Variants in NLGN1 observed in about 807,000 individuals in gnomAD.
The protein encoded by NLGN1 is neuroligin 1.
NLGN1 carries 12 observed loss-of-function variants against 65.5 expected under a neutral mutation model. The ratio of observed to expected loss-of-function variants is 0.18; its 90% CI spans 0.12 to 0.30. The LOEUF is 0.30. Among genes scored for constraint, NLGN1 ranks in the 10% least tolerant of loss-of-function variants. The probability of loss-of-function intolerance (pLI) is 1.00; values close to 1 mark genes in which losing one functional copy is unlikely to be tolerated. For missense variants in NLGN1, 750 were observed against 1,007.1 expected (o/e 0.74, Z 3.46); for synonymous variants, 350 against 359.5 (o/e 0.97, Z 0.30).
At chr3:173,747,148 T>C (rs1775544356) in intron 3 of NLGN1, among the ~76,000 whole-genome samples, 1 of 149,104 alleles carries the variant, frequency 6.7e-6, no homozygotes, top group Non-Finnish European at 1.5e-5. Context: ...TATGTATATG[T>C]ATATATGTGT....
intron 4 of NLGN1, among the ~76,000 whole-genome samples, chr3:173,960,609 A>T (rs1713303558): frequency 6.6e-6 from 1 of 152,008 alleles, no homozygotes; most frequent in South Asian, 2.1e-4. Flanking sequence ...ATTTTAAAAA[A>T]TTTTGCATAA....
chr3:173,747,624 A>G (rs1168664971), intron 3 of NLGN1, among the ~76,000 whole-genome samples: 1 of 128,176 alleles, frequency 7.8e-6, no homozygotes, highest in East Asian at 2.0e-4. Context: ...CTTTTCACTT[A>G]GTGACACATA....
intron 4 of NLGN1, among the ~76,000 whole-genome samples, chr3:173,994,147 A>G (rs1248506781): frequency 2.6e-5 from 4 of 152,054 alleles, no homozygotes; most frequent in Non-Finnish European, 5.9e-5. Flanking sequence ...TCACTCTGTC[A>G]CCCAGGTTGG....
At chr3:174,029,967 C>T (rs1729623680) in intron 4 of NLGN1, among the ~76,000 whole-genome samples, 1 of 152,100 alleles carries the variant, frequency 6.6e-6, no homozygotes, top group Non-Finnish European at 1.5e-5. Context: ...CCAGTCTCAG[C>T]TATGTCTTTA....
intron 2 of NLGN1, among the ~76,000 whole-genome samples, chr3:173,437,970 C>CT (rs1158490070): frequency 1.9e-4 from 29 of 152,264 alleles, no homozygotes; most frequent in Admixed American, 8.5e-4. Context: ...AGCCCTTAGA[C>CT]TGAGTTTCCA....
chr3:174,078,256 C>G (rs762932261), intron 4 of NLGN1, among the ~76,000 whole-genome samples: 10 of 152,060 alleles, frequency 6.6e-5, no homozygotes, highest in Non-Finnish European at 1.3e-4. Flanking sequence ...TCAGATTCAT[C>G]CTTTTGGAGA....
intron 4 of NLGN1, among the ~76,000 whole-genome samples, chr3:173,818,094 A>G (rs1719410032): frequency 6.6e-6 from 1 of 152,212 alleles, no homozygotes; most frequent in African/African-American, 2.4e-5. Flanking sequence ...TAACTCATTC[A>G]TTCATTTATT....
intron 4 of NLGN1, among the ~76,000 whole-genome samples, chr3:174,054,852 G>T (rs768484276): frequency 2.0e-5 from 3 of 151,912 alleles, no homozygotes; most frequent in Non-Finnish European, 4.4e-5. Flanking sequence ...TGAATTAGTG[G>T]ATCACTCTCC....
At chr3:174,278,946 G>T (rs1303279049) in exon 6 of NLGN1, 3 of 1,539,788 alleles carry the variant, frequency 1.9e-6, no homozygotes, top group South Asian at 1.3e-5. Context: ...ATGCTAGAAT[G>T]TTGGCCACAA....
At chr3:173,988,679 C>CT (rs1301117542) in intron 4 of NLGN1, among the ~76,000 whole-genome samples, 1 of 152,126 alleles carries the variant, frequency 6.6e-6, no homozygotes, top group Non-Finnish European at 1.5e-5. Context: ...CTCTCTTCTA[C>CT]TTTTTTTGCT....
intron 3 of NLGN1, among the ~76,000 whole-genome samples, chr3:173,788,629 G>A (rs1033913746): frequency 1.3e-5 from 2 of 151,804 alleles, no homozygotes; most frequent in Admixed American, 1.3e-4. Context: ...TCTAACAGCA[G>A]GTAGAGTGGT....
At chr3:173,673,360 T>A (rs1162830029) in intron 3 of NLGN1, among the ~76,000 whole-genome samples, 2 of 152,218 alleles carry the variant, frequency 1.3e-5, no homozygotes, top group African/African-American at 2.4e-5. Flanking sequence ...ATAATGCCTT[T>A]CTATTTGCCA....
intron 2 of NLGN1, among the ~76,000 whole-genome samples, chr3:173,577,000 T>C (rs536632627): frequency 9.8e-5 from 15 of 152,308 alleles, no homozygotes; most frequent in African/African-American, 3.4e-4. Context: ...GCGATGCTGC[T>C]GACCTCAACG....
chr3:173,878,837 A>T (rs1213755525), intron 4 of NLGN1, among the ~76,000 whole-genome samples: 1 of 152,132 alleles, frequency 6.6e-6, no homozygotes, highest in Non-Finnish European at 1.5e-5. Flanking sequence ...ATTCCTGGAA[A>T]TGGAATTGCT....
chr3:173,804,656 T>C (rs1432338105), intron 3 of NLGN1, among the ~76,000 whole-genome samples: 3 of 46,682 alleles, frequency 6.4e-5, no homozygotes, highest in Non-Finnish European at 1.4e-4. Context: ...GCTATTTACA[T>C]CAAAAAAAAA....
chr3:173,773,924 A>C (rs894923478), intron 3 of NLGN1, among the ~76,000 whole-genome samples: 17 of 152,160 alleles, frequency 1.1e-4, no homozygotes, highest in African/African-American at 4.1e-4. Flanking sequence ...AATGGAGTTA[A>C]TCATGTGAGG....
rs78009262 is a variant in NLGN1 at position 173,964,943 on chromosome 3, A to C, written c.646+157111A>C. Among the ~76,000 whole-genome samples the C allele has an allele frequency of 1.7e-4, 26 of 152,320 alleles. No homozygotes were observed. In the East Asian group the frequency reaches 5.0e-3, roughly 29 times the overall value. ...TAGCTGTTCAGATATGAGATCTTCA[A>C]AGCTGTTTTGAGTAAAAATATTCAC... On this transcript the variant is annotated intron_variant, in intron 4 of 6. Transcript: ENST00000457714.
intron 3 of NLGN1, among the ~76,000 whole-genome samples, chr3:173,699,881 G>T (rs1766851017): frequency 6.6e-6 from 1 of 152,170 alleles, no homozygotes; most frequent in Admixed American, 6.5e-5. Context: ...GAGGTAGGAG[G>T]AAGATAGAAA....
exon 4 of NLGN1, chr3:173,807,689 A>G: frequency 6.2e-7 from 1 of 1,613,508 alleles, no homozygotes; most frequent in Non-Finnish European, 8.5e-7. Context: ...GATATTCGGG[A>G]CAGTGGGGGT....
Sources: allele counts gnomAD v4.1 joint callset (sites outside exome capture counted in the v4.1 genomes callset), GRCh38; gene constraint gnomAD v4.1.1; transcripts MANE v1.5; gene names NCBI Gene and HGNC (gene_info 2026-07-23, HGNC 2026-07-21).